Variants in GRIN2A observed in about 807,000 individuals in gnomAD.
The protein encoded by GRIN2A is glutamate receptor ionotropic, NMDA 2A.
A neutral mutation model predicts 113.4 loss-of-function variants in GRIN2A; 22 were observed. The observed-to-expected ratio is 0.19, with a 90% confidence interval of 0.14 to 0.28. The LOEUF (loss-of-function observed/expected upper bound fraction) is 0.28. Among genes scored for constraint, GRIN2A ranks in the 10% least tolerant of loss-of-function variants. The pLI, the probability that GRIN2A is intolerant of heterozygous loss-of-function variation, is 1.00. For synonymous variants in GRIN2A, 827 were observed against 738.4 expected (o/e 1.12, Z -1.94); for missense variants, 1,502 against 1,887.0 (o/e 0.80, Z 3.78).
In GRIN2A at chr16:9,878,877, ACG is replaced by A. The variant is rs1491321069; in HGVS notation, c.1122+12107_1122+12108del. ...AAGACACACACACACACACACACAC[ACG>A]CACACACAGTTGCACACACACATGC... On this transcript the variant is annotated intron_variant, in intron 4 of 12. Coordinates refer to ENST00000330684, the MANE Select transcript of GRIN2A (RefSeq NM_001134407.3). Among the ~76,000 whole-genome samples, 12 of 148,516 alleles carry A rather than the reference ACG, an allele frequency of 8.1e-5. No homozygotes were observed. In the South Asian group the frequency reaches 1.1e-3, roughly 13 times the overall value.
chr16:9,757,311 G>A lies in GRIN2A; in HGVS notation c.*5838C>T, dbSNP rs570977288. 4.5e-6 allele frequency: 1 copy of A among 220,162 alleles called. No individual in the cohort carries two copies. Among genetic ancestry groups the A allele is most frequent in the African/African-American group, 2.2e-5 (1 of 44,542 alleles). The allele number at this position is 220,162 out of a possible 1,614,324, so 13.6% of individuals were successfully genotyped here. A position where few individuals can be genotyped will look rare whatever the true frequency, so the allele number is the denominator to read the frequency against. On this transcript the variant is annotated 3_prime_UTR_variant, in exon 13 of 13. Transcript: ENST00000330684. ...TAAAATAAATCAACTGCATTTCCGG[G>A]ACCACTAACTCTATTCTCCGGAGTT...
At chr16:10,117,961 G>C (rs1483496032) in intron 2 of GRIN2A, among the ~76,000 whole-genome samples, 1 of 152,160 alleles carries the variant, frequency 6.6e-6, no homozygotes, top group Admixed American at 6.5e-5. Flanking sequence ...GACTTGGTCT[G>C]AACAATGAGA....
In GRIN2A at chr16:9,825,650, C is replaced by A. The variant is rs2042374358; in HGVS notation, c.2008-3226G>T. On this transcript the variant is annotated intron_variant, in intron 9 of 12. Coordinates refer to ENST00000330684, the MANE Select transcript of GRIN2A (RefSeq NM_001134407.3). ...ATAAGGGACATCTGGCAACTGGAGC[C>A]CCTATTTCTAGTACAGTCTTCTGTT... Among the ~76,000 whole-genome samples the A allele has an allele frequency of 2.0e-5, 3 of 152,220 alleles. No homozygotes were observed. In the South Asian group the frequency reaches 6.2e-4, roughly 32 times the overall value.
chr16:9,807,561 A>C (rs2042007848), intron 10 of GRIN2A, among the ~76,000 whole-genome samples: 1 of 152,114 alleles, frequency 6.6e-6, no homozygotes, highest in South Asian at 2.1e-4. Context: ...ATCTAGCTGT[A>C]AGTACTTTGT....
chr16:10,014,248 C>A (rs528221962), intron 2 of GRIN2A, among the ~76,000 whole-genome samples: 1 of 152,332 alleles, frequency 6.6e-6, no homozygotes, highest in African/African-American at 2.4e-5. Flanking sequence ...ATACCTTCCC[C>A]TTCTCAACCT....
At chr16:10,060,663 A>T (rs1196984033) in intron 2 of GRIN2A, among the ~76,000 whole-genome samples, 3 of 152,206 alleles carry the variant, frequency 2.0e-5, no homozygotes, top group African/African-American at 7.2e-5. Flanking sequence ...CATTATCATC[A>T]TCTTTGCTAC....
In GRIN2A at chr16:9,754,165, C is replaced by T. The variant is rs947187394; in HGVS notation, c.*8984G>A. The T allele has an allele frequency of 5.4e-6, 1 of 186,176 alleles. No homozygotes were observed. The highest frequency in any genetic ancestry group is 2.3e-5 in the African/African-American group (1 of 42,768). The allele number at this position is 186,176 out of a possible 1,614,324, so 11.5% of individuals were successfully genotyped here. On this transcript the variant is annotated 3_prime_UTR_variant, in exon 13 of 13. Coordinates refer to ENST00000330684, the MANE Select transcript of GRIN2A (RefSeq NM_001134407.3). ...TTCAGCTTGAAATATATATACTATA[C>T]ATAAACATATACACATAAACATTCT...
intron 12 of GRIN2A, 34 bp from the exon 13 acceptor site, chr16:9,764,982 C>G (rs1185287010): frequency 6.2e-7 from 1 of 1,613,098 alleles, no homozygotes; most frequent in South Asian, 1.1e-5. Context: ...CTGTCAGCAG[C>G]AGCAGCAGTG....
intron 2 of GRIN2A, chr16:10,033,806 T>G (rs962536545): frequency 1.3e-5 from 2 of 152,334 alleles, no homozygotes; most frequent in African/African-American, 4.8e-5. Flanking sequence ...CACAGCCTTG[T>G]GCGTATGCTG....
At chr16:10,117,231 G>C (rs1438732660) in intron 2 of GRIN2A, among the ~76,000 whole-genome samples, 2 of 152,140 alleles carry the variant, frequency 1.3e-5, no homozygotes, top group African/African-American at 2.4e-5. Flanking sequence ...TGGTAGCAGT[G>C]ATTTTATTCC....
At chr16:10,071,548 A>T (rs1313061932) in intron 2 of GRIN2A, among the ~76,000 whole-genome samples, 1 of 152,200 alleles carries the variant, frequency 6.6e-6, no homozygotes, top group African/African-American at 2.4e-5. Context: ...CCCAGGATGA[A>T]GCTATACCTT....
intron 3 of GRIN2A, among the ~76,000 whole-genome samples, chr16:9,915,426 T>C (rs796079398): frequency 2.6e-5 from 4 of 152,298 alleles, no homozygotes; most frequent in African/African-American, 9.6e-5. Context: ...CTAATAAAGG[T>C]AGAAAATACA....
At chr16:10,060,227 C>T (rs1330870590) in intron 2 of GRIN2A, among the ~76,000 whole-genome samples, 6 of 152,118 alleles carry the variant, frequency 3.9e-5, no homozygotes, top group African/African-American at 1.4e-4. Context: ...GGAGCAGACC[C>T]GGGAACAAAG....
chr16:10,104,524 G>C (rs1031415473), intron 2 of GRIN2A, among the ~76,000 whole-genome samples: 1 of 152,198 alleles, frequency 6.6e-6, no homozygotes, highest in African/African-American at 2.4e-5. Flanking sequence ...CTTTCCATCT[G>C]ATTAGATCAA....
intron 2 of GRIN2A, among the ~76,000 whole-genome samples, chr16:10,116,947 T>C (rs557873769): frequency 1.3e-5 from 2 of 152,142 alleles, no homozygotes; most frequent in Non-Finnish European, 2.9e-5. Context: ...TGAGAAGCCA[T>C]CACTGTGTTG....
At chr16:9,921,970 C>A (rs543759829) in intron 3 of GRIN2A, among the ~76,000 whole-genome samples, 1 of 152,046 alleles carries the variant, frequency 6.6e-6, no homozygotes, top group Non-Finnish European at 1.5e-5. Flanking sequence ...GTTGAAAATA[C>A]GTTGTTACAA....
intron 2 of GRIN2A, among the ~76,000 whole-genome samples, chr16:9,997,226 C>G (rs1038603715): frequency 6.6e-6 from 1 of 152,122 alleles, no homozygotes; most frequent in Admixed American, 6.6e-5. Context: ...GTTGGAGATG[C>G]TATAATTGAA....
At chr16:9,773,776 G>T (rs1901432866) in intron 11 of GRIN2A, among the ~76,000 whole-genome samples, 1 of 152,186 alleles carries the variant, frequency 6.6e-6, no homozygotes, top group African/African-American at 2.4e-5. Flanking sequence ...GATGTTTCCA[G>T]CCACAAGTAT....
chr16:10,165,741 GGGAGGGGAGAAA>G (rs2049907276), intron 2 of GRIN2A, among the ~76,000 whole-genome samples: 1 of 75,184 alleles, frequency 1.3e-5, no homozygotes, highest in Non-Finnish European at 2.9e-5. Context: ...GAGAAAGGAG[GGGAGGGGAGAAA>G]GGAGGGGAGG....
Sources: gnomAD v4.1 joint callset for allele counts (sites outside exome capture counted in the v4.1 genomes callset) on GRCh38, gnomAD v4.1.1 for gene constraint, MANE v1.5 for transcripts, NCBI Gene and HGNC (gene_info 2026-07-23, HGNC 2026-07-21) for gene names.